The following PRKCA variants were observed in gnomAD, a reference collection of about 807,000 sequenced individuals.
The protein encoded by PRKCA is protein kinase C alpha.
PRKCA carries 27 observed loss-of-function variants against 87.0 expected under a neutral mutation model. The ratio of observed to expected loss-of-function variants is 0.31; its 90% CI spans 0.23 to 0.43. The LOEUF is 0.43. Among genes scored for constraint, PRKCA ranks in the 20% least tolerant of loss-of-function variants. The pLI is 1.00. For missense variants in PRKCA, 518 were observed against 852.3 expected (o/e 0.61, Z 4.88); for synonymous variants, 329 against 311.1 (o/e 1.06, Z -0.61).
intron 2 of PRKCA, among the ~76,000 whole-genome samples, chr17:66,310,693 C>T (rs1271877051): frequency 6.6e-6 from 1 of 152,160 alleles, no homozygotes; most frequent in Non-Finnish European, 1.5e-5. Context: ...AATGAGTCTC[C>T]TCTTGGCTGT....
At chr17:66,754,104 G>T (rs1974494252) in intron 13 of PRKCA, among the ~76,000 whole-genome samples, 1 of 152,060 alleles carries the variant, frequency 6.6e-6, no homozygotes, top group Admixed American at 6.6e-5. Flanking sequence ...CACCCCACAT[G>T]TTAGAGATGG....
intron 16 of PRKCA, among the ~76,000 whole-genome samples, chr17:66,798,530 A>ATGGTGG (rs1975756966): frequency 2.1e-3 from 1 of 468 alleles, no homozygotes; most frequent in Non-Finnish European, 3.7e-3. Context: ...GGTGGTGGTG[A>ATGGTGG]TGGTGGTGAC....
At chr17:66,753,241 C>T (rs1298838493) in intron 13 of PRKCA, among the ~76,000 whole-genome samples, 1 of 152,204 alleles carries the variant, frequency 6.6e-6, no homozygotes, top group Non-Finnish European at 1.5e-5. Context: ...AATGCCCACT[C>T]ACAGCCTGCT....
intron 5 of PRKCA, among the ~76,000 whole-genome samples, chr17:66,678,672 A>C (rs1318742589): frequency 6.6e-6 from 1 of 151,992 alleles, no homozygotes; most frequent in Non-Finnish European, 1.5e-5. Flanking sequence ...ACTGAAAAAA[A>C]AAAAAAGGAC....
At chr17:66,781,295 G>A (rs1434687607) in intron 14 of PRKCA, among the ~76,000 whole-genome samples, 2 of 152,140 alleles carry the variant, frequency 1.3e-5, no homozygotes, top group African/African-American at 4.8e-5. Context: ...GATCAGAGGG[G>A]AGGTGTCCAG....
chr17:66,324,634 T>G (rs2143237448), intron 2 of PRKCA, among the ~76,000 whole-genome samples: 1 of 152,080 alleles, frequency 6.6e-6, no homozygotes, highest in South Asian at 2.1e-4. Context: ...TCAACATTTA[T>G]AAGTTAATAT....
chr17:66,627,857 A>G (rs534037242), intron 3 of PRKCA, among the ~76,000 whole-genome samples: 13 of 152,308 alleles, frequency 8.5e-5, no homozygotes, highest in African/African-American at 3.1e-4. Context: ...TGGTTTTAGA[A>G]AAGGAATGAA....
intron 3 of PRKCA, among the ~76,000 whole-genome samples, chr17:66,564,016 CTCTCTCTT>C (rs1567901482): frequency 7.4e-6 from 1 of 135,376 alleles, no homozygotes; most frequent in Non-Finnish European, 1.6e-5. Context: ...CTTTCTTTCT[CTCTCTCTT>C]TCTTTCTTCC....
intron 2 of PRKCA, among the ~76,000 whole-genome samples, chr17:66,359,823 A>G (rs1381555743): frequency 6.6e-6 from 1 of 152,234 alleles, no homozygotes; most frequent in African/African-American, 2.4e-5. Flanking sequence ...ATAAACTTGC[A>G]CAAAAGCTCA....
chr17:66,735,411 C>T lies in PRKCA; in HGVS notation c.1057-78C>T. 4 of 1,485,734 alleles carry T rather than the reference C, an allele frequency of 2.7e-6. No homozygotes were observed. The South Asian group carries it at 3.4e-5, about 13-fold the overall frequency. The allele number at this position is 1,485,734 out of a possible 1,614,324, so 92.0% of individuals were successfully genotyped here. A position where few individuals can be genotyped will look rare whatever the true frequency, so the allele number is the denominator to read the frequency against. On this transcript the variant is annotated intron_variant, in intron 9 of 16. Transcript: ENST00000413366. ...GGTGCACAAACTGTCACTGAGCCGT[C>T]ACCTGGCCTGGTTCCTTCCCTCTGC...
intron 5 of PRKCA, among the ~76,000 whole-genome samples, chr17:66,657,830 T>C (rs569170323): frequency 6.6e-6 from 1 of 152,104 alleles, no homozygotes; most frequent in South Asian, 2.1e-4. Flanking sequence ...AACTTCTGGC[T>C]TCTGAAGGAT....
Position 66,302,843 on chromosome 17 carries a change from G to GT in PRKCA, c.-9_-8insT. On this transcript the variant is annotated 5_prime_UTR_variant, in exon 1 of 17. Transcript: ENST00000413366. Reference sequence around the variant, plus strand: ...CCCCGGCGGAGGCAAGAGGTGGTTGGGGGGGACCATGGCTGACGTTTTCCC... The same window carrying GT: ...CCCCGGCGGAGGCAAGAGGTGGTTGGTGGGGGACCATGGCTGACGTTTTCCC... 1 of 1,591,262 alleles carries GT rather than the reference G, an allele frequency of 6.3e-7. No individual in the cohort carries two copies. The highest frequency in any genetic ancestry group is 8.5e-7 in the Non-Finnish European group (1 of 1,169,594).
Position 66,643,709 on chromosome 17 carries a change from A to C in PRKCA, c.401-1674A>C, listed in dbSNP as rs891976390. 4.6e-5 allele frequency among the ~76,000 whole-genome samples: 7 copies of C among 152,252 alleles called. No individual in the cohort carries two copies. The South Asian group carries it at 1.0e-3, about 23-fold the overall frequency. On this transcript the variant is annotated intron_variant, in intron 4 of 16. Coordinates refer to ENST00000413366, the MANE Select transcript of PRKCA (RefSeq NM_002737.3). ...TGTGCTCCTTTCTGGAGACAGGAGG[A>C]GAGCAAGCCGATGAGCACCAGGACT... is the stretch of plus-strand genomic sequence containing the variant.
At chr17:66,380,263 G>A (rs1909704848) in intron 2 of PRKCA, among the ~76,000 whole-genome samples, 2 of 151,614 alleles carry the variant, frequency 1.3e-5, no homozygotes, top group Admixed American at 6.6e-5. Context: ...TTGAAAGTAT[G>A]CAACTTGATT....
chr17:66,687,248 T>C lies in PRKCA; in HGVS notation c.667T>C (p.Trp223Arg). The change falls in exon 6 of 17, where the codon TGG becomes CGG. Residue 223 changes from tryptophan (W) to arginine (R), a missense_variant. Physicochemically the swap from Trp to Arg is moderately radical, Grantham distance 101 (BLOSUM62 -3). Transcript: ENST00000413366. ...CATCCGCTCCACACTAAATCCGCAGTGGAATGAGTCCTTTACATTGTAAGT... is the reference window on the plus strand; with the variant it reads ...CATCCGCTCCACACTAAATCCGCAGCGGAATGAGTCCTTTACATTGTAAGT... ...KTIRSTLNPQ[W>R]NESFTFKLKP... 6.2e-7 allele frequency: 1 copy of C among 1,614,102 alleles called. No individual in the cohort carries two copies. The highest frequency in any genetic ancestry group is 8.5e-7 in the Non-Finnish European group (1 of 1,179,978).
chr17:66,553,348 A>G (rs557546282), intron 3 of PRKCA, among the ~76,000 whole-genome samples: 1 of 152,306 alleles, frequency 6.6e-6, no homozygotes, highest in African/African-American at 2.4e-5. Flanking sequence ...TGTCTTCTCT[A>G]GCAAATAAAT....
In PRKCA at chr17:66,489,467, A is replaced by T. The variant is rs1301434496; in HGVS notation, c.206-6734A>T. On this transcript the variant is annotated intron_variant, in intron 2 of 16. Coordinates refer to ENST00000413366, the MANE Select transcript of PRKCA (RefSeq NM_002737.3). The stretch of plus-strand genomic sequence containing the variant: ...GATGAACCCATTTTGCATATAGATT[A>T]AGTGACCAAATATCTCAGTAGTTTG... Among the ~76,000 whole-genome samples the T allele has an allele frequency of 2.7e-5, 4 of 149,618 alleles. No individual in the cohort carries two copies. In the South Asian group the frequency reaches 8.5e-4, roughly 32 times the overall value.
intron 3 of PRKCA, among the ~76,000 whole-genome samples, chr17:66,629,521 G>A (rs141536980): frequency 2.8e-4 from 42 of 152,300 alleles, no homozygotes; most frequent in African/African-American, 8.7e-4. Flanking sequence ...GTTCTCAGTC[G>A]TACAGACTTG....
Position 66,744,508 on chromosome 17 carries a change from C to T in PRKCA, c.1524+1748C>T, listed in dbSNP as rs73331509. On this transcript the variant is annotated intron_variant, in intron 13 of 16. Coordinates refer to ENST00000413366, the MANE Select transcript of PRKCA (RefSeq NM_002737.3). Reference sequence around the variant, plus strand: ...CATCTCTATTAAGACCAGGTCTCTCCTGTTCCGACAAATAGCTCCTTGTGT... The same window carrying T: ...CATCTCTATTAAGACCAGGTCTCTCTTGTTCCGACAAATAGCTCCTTGTGT... Among the ~76,000 whole-genome samples, 1,012 of 152,306 alleles carry T rather than the reference C, an allele frequency of 6.6e-3. 13 individuals carry two copies. The highest frequency in any genetic ancestry group is 0.024 in the African/African-American group (981 of 41,556).
Sources: allele counts gnomAD v4.1 joint callset (sites outside exome capture counted in the v4.1 genomes callset), GRCh38; gene constraint gnomAD v4.1.1; transcripts MANE v1.5; gene names NCBI Gene and HGNC (gene_info 2026-07-23, HGNC 2026-07-21).